The following DPP10 variants were observed in gnomAD, a reference collection of about 807,000 sequenced individuals.
The protein encoded by DPP10 is dipeptidyl peptidase like 10, also known as inactive dipeptidyl peptidase 10.
A neutral mutation model predicts 120.9 loss-of-function variants in DPP10; 33 were observed. That is an observed-to-expected ratio of 0.27 (90% CI 0.21 to 0.37). The LOEUF is 0.37. Ranked by LOEUF, DPP10 falls within the 10% of genes least tolerant of loss-of-function variation. The pLI is 1.00. For missense variants in DPP10, 816 were observed against 942.8 expected (o/e 0.87, Z 1.76); for synonymous variants, 337 against 326.1 (o/e 1.03, Z -0.36).
intron 5 of DPP10, among the ~76,000 whole-genome samples, chr2:115,615,771 A>G (rs928679793): frequency 6.6e-5 from 10 of 152,168 alleles, no homozygotes; most frequent in African/African-American, 1.9e-4. Flanking sequence ...TTAATTAACC[A>G]GACATTTCAT....
chr2:114,536,627 G>C (rs983312804), intron 1 of DPP10, among the ~76,000 whole-genome samples: 2 of 151,904 alleles, frequency 1.3e-5, no homozygotes, highest in African/African-American at 4.8e-5. Flanking sequence ...GGATGGTCTC[G>C]ATCTCCTGAC....
intron 1 of DPP10, among the ~76,000 whole-genome samples, chr2:114,953,140 T>G (rs1697920698): frequency 6.6e-6 from 1 of 152,016 alleles, no homozygotes; most frequent in African/African-American, 2.4e-5. Flanking sequence ...TTCAAAAGTT[T>G]AAAAAAATCT....
chr2:115,037,435 A>G (rs1704302171), intron 1 of DPP10, among the ~76,000 whole-genome samples: 2 of 152,142 alleles, frequency 1.3e-5, no homozygotes, highest in South Asian at 2.1e-4. Flanking sequence ...TTTTTCTTCT[A>G]TTTACAAAAC....
intron 1 of DPP10, among the ~76,000 whole-genome samples, chr2:114,532,789 A>T (rs1418919042): frequency 1.3e-5 from 2 of 152,146 alleles, no homozygotes; most frequent in Non-Finnish European, 2.9e-5. Context: ...AACTTCATGG[A>T]AAGTTTACAT....
intron 5 of DPP10, among the ~76,000 whole-genome samples, chr2:115,549,376 C>T (rs1032241579): frequency 2.0e-5 from 3 of 152,150 alleles, no homozygotes; most frequent in African/African-American, 4.8e-5. Context: ...ACTGCACTCA[C>T]TCACAGATGT....
chr2:115,577,318 G>A (rs1316417503), intron 5 of DPP10, among the ~76,000 whole-genome samples: 1 of 152,206 alleles, frequency 6.6e-6, no homozygotes, highest in African/African-American at 2.4e-5. Context: ...CTCTTAGCAA[G>A]AAGGCATGGG....
At chr2:115,382,510 A>G (rs2066476312) in intron 3 of DPP10, among the ~76,000 whole-genome samples, 8 of 152,094 alleles carry the variant, frequency 5.3e-5, no homozygotes, top group Admixed American at 5.2e-4. Context: ...TGCAGAAATC[A>G]CTGGTCTTCT....
At chr2:115,721,744 C>A (rs542550872) in intron 7 of DPP10, among the ~76,000 whole-genome samples, 24 of 152,162 alleles carry the variant, frequency 1.6e-4, no homozygotes, top group African/African-American at 5.8e-4. Context: ...CTAGCCGTGC[C>A]AGTTCTGGGT....
chr2:115,244,789 A>G (rs190266518), intron 1 of DPP10, among the ~76,000 whole-genome samples: 20 of 150,592 alleles, frequency 1.3e-4, no homozygotes, highest in African/African-American at 2.9e-4. Flanking sequence ...CTATATATAT[A>G]TGTGTGTGTG....
At chr2:115,836,421 T>G in intron 22 of DPP10, 86 bp from the exon 23 acceptor site, 1 of 1,520,954 alleles carries the variant, frequency 6.6e-7, no homozygotes, top group Non-Finnish European at 9.0e-7. Context: ...AGCATGACAA[T>G]TAAATGTAAA....
At chr2:115,553,979 C>T (rs2080041961) in intron 5 of DPP10, among the ~76,000 whole-genome samples, 1 of 143,862 alleles carries the variant, frequency 7.0e-6, no homozygotes, top group Admixed American at 7.4e-5. Context: ...TAAGCTCCGA[C>T]ACCTATCTCT....
Position 115,447,464 on chromosome 2 carries a change from TA to T in DPP10, c.272-52045del, listed in dbSNP as rs912338266. Among the ~76,000 whole-genome samples the T allele has an allele frequency of 4.6e-5, 7 of 152,194 alleles. No homozygotes were observed. The East Asian group carries it at 7.8e-4, about 17-fold the overall frequency. ...AAAGGGCATGAGATTTGGGAGGGGC[TA>T]GGGGTGGAATGATATGGTTTGTCCC... On this transcript the variant is annotated intron_variant, in intron 3 of 25. Coordinates refer to ENST00000410059, the MANE Select transcript of DPP10 (RefSeq NM_020868.6).
intron 1 of DPP10, among the ~76,000 whole-genome samples, chr2:114,664,354 C>G (rs116197280): frequency 1.3e-5 from 2 of 151,826 alleles, no homozygotes; most frequent in African/African-American, 4.8e-5. Context: ...TCTGGCCAGG[C>G]GTGGTGGCTC....
At chr2:114,655,933 TG>T (rs755198007) in intron 1 of DPP10, among the ~76,000 whole-genome samples, 1 of 152,134 alleles carries the variant, frequency 6.6e-6, no homozygotes, top group Non-Finnish European at 1.5e-5. Context: ...TAAGATTTGG[TG>T]GTCAGAAACA....
intron 3 of DPP10, among the ~76,000 whole-genome samples, chr2:115,403,381 C>CTTTTTTTTTTTTTTTTTT (rs78116780): frequency 2.5e-5 from 3 of 118,386 alleles, no homozygotes; most frequent in East Asian, 3.0e-4. Flanking sequence ...TTCTTTCCTT[C>CTTTTTTTTTTTTTTTTTT]TTTTTTTTTT....
At chr2:114,882,326 A>C (rs1236999415) in intron 1 of DPP10, among the ~76,000 whole-genome samples, 2 of 152,182 alleles carry the variant, frequency 1.3e-5, no homozygotes, top group Non-Finnish European at 2.9e-5. Context: ...CTACTCAGCC[A>C]TAAAACAGAA....
intron 19 of DPP10, among the ~76,000 whole-genome samples, chr2:115,796,012 A>G (rs1001747253): frequency 1.3e-5 from 2 of 152,154 alleles, no homozygotes; most frequent in African/African-American, 4.8e-5. Flanking sequence ...AAATCTTCTC[A>G]TTATTCATTC....
intron 1 of DPP10, among the ~76,000 whole-genome samples, chr2:114,754,385 G>C (rs1467308656): frequency 1.3e-5 from 2 of 152,176 alleles, no homozygotes; most frequent in Non-Finnish European, 2.9e-5. Context: ...CGCAGGCATT[G>C]AGAGCATAAC....
At chr2:114,743,909 G>C (rs979100083) in intron 1 of DPP10, among the ~76,000 whole-genome samples, 33 of 152,022 alleles carry the variant, frequency 2.2e-4, no homozygotes, top group Admixed American at 2.2e-3. Flanking sequence ...TTTTGGTCTT[G>C]TCCTCAGGTA....
Sources: allele counts gnomAD v4.1 joint callset (sites outside exome capture counted in the v4.1 genomes callset), GRCh38; gene constraint gnomAD v4.1.1; transcripts MANE v1.5; gene names NCBI Gene and HGNC (gene_info 2026-07-23, HGNC 2026-07-21).